MMP26: variants seen among roughly 807,000 people sequenced by gnomAD.
MMP26 encodes the protein matrix metallopeptidase 26.
MMP26 carries 33 observed loss-of-function variants against 31.0 expected under a neutral mutation model. That is an observed-to-expected ratio of 1.06 (90% CI 0.81 to 1.42). MMP26 has a LOEUF of 1.42. Among genes scored for constraint, MMP26 ranks in the 40% most tolerant of loss-of-function variants. The probability of loss-of-function intolerance (pLI) is 0.00; values close to 1 mark genes in which losing one functional copy is unlikely to be tolerated. For missense variants in MMP26, 347 were observed against 316.1 expected, an observed-to-expected ratio of 1.10 and a Z score of -0.74; for synonymous variants, 122 against 114.9, an observed-to-expected ratio of 1.06 and a Z score of -0.40.
At chr11:4,712,826 C>A (rs1297221905) in intron 1 of MMP26, among the ~76,000 whole-genome samples, 1 of 150,862 alleles carries the variant, frequency 6.6e-6, no homozygotes, top group Non-Finnish European at 1.5e-5. Flanking sequence ...TTTAATCTTA[C>A]AGCTTATATC....
At chr11:4,810,987 C>T (rs1026675420) in intron 2 of MMP26, among the ~76,000 whole-genome samples, 13 of 152,116 alleles carry the variant, frequency 8.5e-5, no homozygotes, top group Non-Finnish European at 2.9e-5. Context: ...CCAAGGTTAT[C>T]AGGTTTACAT....
At chr11:4,936,731 A>AT (rs1487091938) in intron 2 of MMP26, among the ~76,000 whole-genome samples, 1 of 152,084 alleles carries the variant, frequency 6.6e-6, no homozygotes, top group Non-Finnish European at 1.5e-5. Flanking sequence ...AGATAAATGT[A>AT]TTTTTTTGTA....
intron 2 of MMP26, among the ~76,000 whole-genome samples, chr11:4,895,110 C>T (rs191784499): frequency 5.9e-5 from 9 of 152,200 alleles, no homozygotes; most frequent in Admixed American, 5.9e-4. Context: ...AGAAAGTTTA[C>T]TCAAATATTT....
rs1849100800 is a variant in MMP26 at position 4,795,846 on chromosome 11, GAGA to G, written c.-145+28506_-145+28508del. The stretch of plus-strand genomic sequence containing the variant: ...GGAGAGAGAAAGAGAGAGAGAGGGA[GAGA>G]GAGAGAGAGAGAGAGAGAGAGACCT... On this transcript the variant is annotated intron_variant, in intron 2 of 7. Coordinates refer to ENST00000380390, the MANE Select transcript of MMP26 (RefSeq NM_021801.5). Among the ~76,000 whole-genome samples, 5 of 89,720 alleles carry G rather than the reference GAGA, an allele frequency of 5.6e-5. No homozygotes were observed. In the East Asian group the frequency reaches 2.0e-3, roughly 36 times the overall value. 58.9% of individuals were successfully genotyped at this position (89,720 alleles called of 152,430 possible).
rs537382978 is a variant in MMP26, at chr11:4,826,808, C to A, written c.-145+59467C>A. 2.6e-5 allele frequency among the ~76,000 whole-genome samples: 4 copies of A among 152,090 alleles called. No homozygotes were observed. The South Asian group carries it at 8.3e-4, about 32-fold the overall frequency. Reference sequence around the variant, plus strand: ...GGCATATCAATAATAATCCAGATACCATTATGGGTGACTATTGCCTAATCC... The same window carrying A: ...GGCATATCAATAATAATCCAGATACAATTATGGGTGACTATTGCCTAATCC... On this transcript the variant is annotated intron_variant, in intron 2 of 7. Coordinates refer to ENST00000380390, the MANE Select transcript of MMP26 (RefSeq NM_021801.5).
chr11:4,923,888 A>G, intron 2 of MMP26: 1 of 1,614,060 alleles, frequency 6.2e-7, no homozygotes, highest in Non-Finnish European at 8.5e-7. Context: ...ACTTCTAAGC[A>G]CTGAGCTTAG....
chr11:4,931,400 T>C (rs1851344902), intron 2 of MMP26, among the ~76,000 whole-genome samples: 1 of 152,044 alleles, frequency 6.6e-6, no homozygotes, highest in Non-Finnish European at 1.5e-5. Flanking sequence ...GCTAGAGATT[T>C]GCTCATGGCT....
intron 2 of MMP26, among the ~76,000 whole-genome samples, chr11:4,958,527 TA>T (rs1446714223): frequency 2.0e-5 from 3 of 151,944 alleles, no homozygotes; most frequent in Non-Finnish European, 2.9e-5. Flanking sequence ...TTTTCATATC[TA>T]TCTATCTGTC....
chr11:4,911,280 G>A lies in MMP26; in HGVS notation c.-144-76788G>A, dbSNP rs144878037. ...TTTCTCAGAATATTTGCTTTGCTTA[G>A]GATGCTATTTTTCCTTAATTTCACC... On this transcript the variant is annotated intron_variant, in intron 2 of 7. Transcript: ENST00000380390. Among the ~76,000 whole-genome samples, 1,360 of 152,156 alleles carry A rather than the reference G, an allele frequency of 8.9e-3. 25 individuals are homozygous for A. The highest frequency in any genetic ancestry group is 0.031 in the African/African-American group (1,271 of 41,526).
chr11:4,923,617 G>A (rs1851218875), intron 2 of MMP26: 1 of 1,614,154 alleles, frequency 6.2e-7, no homozygotes, highest in Non-Finnish European at 8.5e-7. Context: ...AGACACAGGT[G>A]TTGAGGGCTC....
intron 2 of MMP26, chr11:4,876,077 C>T (rs968302648): frequency 5.3e-5 from 8 of 152,098 alleles, no homozygotes; most frequent in African/African-American, 1.9e-4. Flanking sequence ...AATTTAAGAT[C>T]ACAACCAAGA....
At chr11:4,931,830 G>C (rs1275317733) in intron 2 of MMP26, among the ~76,000 whole-genome samples, 1 of 151,950 alleles carries the variant, frequency 6.6e-6, no homozygotes, top group Non-Finnish European at 1.5e-5. Flanking sequence ...CATACATATA[G>C]GAGGCTTTAT....
chr11:4,963,407 AT>A (rs1430236689), intron 2 of MMP26, among the ~76,000 whole-genome samples: 1 of 152,216 alleles, frequency 6.6e-6, no homozygotes. Flanking sequence ...ATGGAACCAA[AT>A]AAGAGCCCAT....
chr11:4,794,547 T>G (rs1849078667), intron 2 of MMP26, among the ~76,000 whole-genome samples: 1 of 152,146 alleles, frequency 6.6e-6, no homozygotes. Flanking sequence ...TTCTTTAGGG[T>G]CTTCTCACTG....
chr11:4,844,521 C>A (rs1039010173), intron 2 of MMP26, among the ~76,000 whole-genome samples: 1 of 152,096 alleles, frequency 6.6e-6, no homozygotes, highest in Non-Finnish European at 1.5e-5. Context: ...CAACAAAATA[C>A]TAGCAAGCTG....
At chr11:4,712,446 G>A (rs947361017) in intron 1 of MMP26, 1 of 151,978 alleles carries the variant, frequency 6.6e-6, no homozygotes, top group Non-Finnish European at 1.5e-5. Context: ...GACTTAATAA[G>A]AAAAATATAG....
chr11:4,754,324 G>A (rs1239919919), intron 1 of MMP26, among the ~76,000 whole-genome samples: 1 of 151,838 alleles, frequency 6.6e-6, no homozygotes, highest in African/African-American at 2.4e-5. Context: ...TAGAGCAAAT[G>A]TGGGACAGAT....
chr11:4,803,109 AAAC>A (rs1473629350), intron 2 of MMP26, among the ~76,000 whole-genome samples: 1 of 152,210 alleles, frequency 6.6e-6, no homozygotes, highest in Non-Finnish European at 1.5e-5. Context: ...GACAGTGTAA[AAAC>A]AACTTTTTTA....
intron 2 of MMP26, among the ~76,000 whole-genome samples, chr11:4,842,051 A>G (rs1041536534): frequency 6.6e-6 from 1 of 152,196 alleles, no homozygotes; most frequent in Admixed American, 6.5e-5. Context: ...CAATATTATA[A>G]CACTATAACT....
Sources: gnomAD v4.1 joint callset for allele counts (sites outside exome capture counted in the v4.1 genomes callset) on GRCh38, gnomAD v4.1.1 for gene constraint, MANE v1.5 for transcripts, NCBI Gene and HGNC (gene_info 2026-07-23, HGNC 2026-07-21) for gene names.